CRYL1: variants seen among roughly 807,000 people sequenced by gnomAD.
CRYL1 encodes lambda-crystallin homolog.
Under a neutral mutation model 36.6 loss-of-function variants are expected in CRYL1, and 29 were observed. That is an observed-to-expected ratio of 0.79 (90% CI 0.59 to 1.08). CRYL1 has a LOEUF of 1.08. Among genes scored for constraint, CRYL1 ranks in the 50% least tolerant of loss-of-function variants. The pLI, the probability that CRYL1 is intolerant of heterozygous loss-of-function variation, is 0.00. For synonymous variants in CRYL1, 152 were observed against 151.5 expected, an observed-to-expected ratio of 1.00 and a Z score of -0.02; for missense variants, 411 against 407.9, an observed-to-expected ratio of 1.01 and a Z score of -0.06.
chr13:20,442,139 A>T (rs59314264), intron 3 of CRYL1, among the ~76,000 whole-genome samples: 7,803 of 152,274 alleles, frequency 0.051, 667 homozygotes, highest in African/African-American at 0.18. Context: ...CTAATAAAAG[A>T]GTCTCCATGA....
At chr13:20,499,329 G>C (rs9552215) in intron 2 of CRYL1, among the ~76,000 whole-genome samples, 28,121 of 140,740 alleles carry the variant, frequency 0.2, 2,864 homozygotes, top group South Asian at 0.27. Context: ...CTGGGCAACA[G>C]AGTGAGACCC....
At chr13:20,416,624 GGAA>G (rs1241105957) in intron 5 of CRYL1, among the ~76,000 whole-genome samples, 1 of 152,218 alleles carries the variant, frequency 6.6e-6, no homozygotes, top group African/African-American at 2.4e-5. Flanking sequence ...ATTCAAACTG[GGAA>G]GTATGCAAAC....
chr13:20,406,097 AC>A (rs1302992193), intron 6 of CRYL1: 7 of 152,016 alleles, frequency 4.6e-5, no homozygotes, highest in Non-Finnish European at 1.0e-4. Flanking sequence ...CATCTTTCAA[AC>A]CCTTAAAGGC....
At chr13:20,418,964 T>C (rs2031736268) in intron 5 of CRYL1, 1 of 152,202 alleles carries the variant, frequency 6.6e-6, no homozygotes, top group African/African-American at 2.4e-5. Flanking sequence ...CAGCGAGAAG[T>C]AGAGTACTCT....
At chr13:20,510,952 G>C (rs2033904761) in intron 2 of CRYL1, among the ~76,000 whole-genome samples, 1 of 152,170 alleles carries the variant, frequency 6.6e-6, no homozygotes, top group South Asian at 2.1e-4. Context: ...TGTATCCCTA[G>C]TGAACAGAAC....
intron 3 of CRYL1, among the ~76,000 whole-genome samples, chr13:20,462,771 T>C (rs948508344): frequency 6.6e-6 from 1 of 151,756 alleles, no homozygotes; most frequent in Non-Finnish European, 1.5e-5. Context: ...GGTTTTCCAA[T>C]ACCTGCAGGA....
At chr13:20,498,140 C>A (rs374273095) in intron 2 of CRYL1, among the ~76,000 whole-genome samples, 1 of 151,008 alleles carries the variant, frequency 6.6e-6, no homozygotes, top group Non-Finnish European at 1.5e-5. Flanking sequence ...TACATACACA[C>A]CACACATACA....
chr13:20,409,789 C>T (rs1306796374), intron 6 of CRYL1, among the ~76,000 whole-genome samples: 2 of 150,860 alleles, frequency 1.3e-5, no homozygotes, highest in East Asian at 1.9e-4. Flanking sequence ...AAAATGCTCA[C>T]CATCACTGGC....
chr13:20,440,744 T>G (rs748230296), intron 3 of CRYL1, among the ~76,000 whole-genome samples: 28 of 152,338 alleles, frequency 1.8e-4, no homozygotes, highest in African/African-American at 6.5e-4. Context: ...TGAGAATCCA[T>G]TTCTAATTGG....
chr13:20,405,245 T>C (rs2031336229), intron 6 of CRYL1, among the ~76,000 whole-genome samples: 1 of 149,800 alleles, frequency 6.7e-6, no homozygotes, highest in Admixed American at 6.7e-5. Context: ...TACTCCGGCC[T>C]GGGCAACAGA....
chr13:20,423,322 G>C (rs919186278), intron 5 of CRYL1, among the ~76,000 whole-genome samples: 20 of 152,194 alleles, frequency 1.3e-4, no homozygotes, highest in African/African-American at 4.6e-4. Flanking sequence ...AGTGGTGAGA[G>C]TAGGCACCCT....
chr13:20,489,322 G>A, intron 3 of CRYL1, 48 bp downstream of exon 3: 3 of 1,607,520 alleles, frequency 1.9e-6, no homozygotes, highest in East Asian at 4.5e-5. Flanking sequence ...GAGGCTGGGA[G>A]ACAATGTCTC....
At chr13:20,466,807 T>C (rs528010336) in intron 3 of CRYL1, among the ~76,000 whole-genome samples, 2 of 152,250 alleles carry the variant, frequency 1.3e-5, no homozygotes, top group African/African-American at 4.8e-5. Context: ...TACAGGAATA[T>C]GCATAACTGC....
At chr13:20,416,197 G>A (rs2031659649) in intron 5 of CRYL1, among the ~76,000 whole-genome samples, 1 of 152,206 alleles carries the variant, frequency 6.6e-6, no homozygotes, top group South Asian at 2.1e-4. Context: ...TTTCCTTCGA[G>A]TTCTAAATCA....
chr13:20,439,050 G>GA lies in CRYL1; in HGVS notation c.438+542dup, dbSNP rs11405973. Among the ~76,000 whole-genome samples, 29,060 of 152,136 alleles carry GA rather than the reference G, an allele frequency of 0.19. 2,996 individuals are homozygous for GA. The highest frequency in any genetic ancestry group is 0.35 in the East Asian group (1,819 of 5,170). ...GTGAGTGGAAGGGAAACCACAAGGG[G>GA]AAAAAGTCCTTGAAGTCAGACCTAC... On this transcript the variant is annotated intron_variant, in intron 4 of 7. Coordinates refer to ENST00000298248, the MANE Select transcript of CRYL1 (RefSeq NM_015974.3).
intron 3 of CRYL1, among the ~76,000 whole-genome samples, chr13:20,446,469 A>G (rs948526833): frequency 6.6e-6 from 1 of 152,204 alleles, no homozygotes; most frequent in African/African-American, 2.4e-5. Flanking sequence ...AAAAAGGAAA[A>G]GGCCCCCACT....
chr13:20,504,936 T>A (rs1221732552), intron 2 of CRYL1, among the ~76,000 whole-genome samples: 2 of 152,202 alleles, frequency 1.3e-5, no homozygotes, highest in African/African-American at 4.8e-5. Flanking sequence ...AGGTTCAGAA[T>A]CCATATGTAC....
chr13:20,464,144 T>G (rs541292420), intron 3 of CRYL1, among the ~76,000 whole-genome samples: 10 of 152,304 alleles, frequency 6.6e-5, no homozygotes, highest in Admixed American at 1.3e-4. Context: ...ATATAAACAT[T>G]TCCATATACA....
intron 3 of CRYL1, among the ~76,000 whole-genome samples, chr13:20,457,076 C>T (rs547680241): frequency 3.4e-4 from 52 of 152,176 alleles, no homozygotes; most frequent in African/African-American, 1.2e-3. Flanking sequence ...CTTGAGAGTC[C>T]CAGCTTACCC....
Sources: gnomAD v4.1 joint callset for allele counts (sites outside exome capture counted in the v4.1 genomes callset) on GRCh38, gnomAD v4.1.1 for gene constraint, MANE v1.5 for transcripts, NCBI Gene and HGNC (gene_info 2026-07-23, HGNC 2026-07-21) for gene names.